The following EXOC4 variants were observed in gnomAD, a reference collection of about 807,000 sequenced individuals.
EXOC4 encodes SEC8-like 1.
A neutral mutation model predicts 107.2 loss-of-function variants in EXOC4; 71 were observed. The observed-to-expected ratio is 0.66, with a 90% CI of 0.55 to 0.81. The LOEUF (loss-of-function observed/expected upper bound fraction) is 0.81, where lower values mean the gene tolerates loss of function less well. EXOC4 is among the 30% of genes least tolerant of loss of function. The probability of loss-of-function intolerance (pLI) is 0.00; values close to 1 mark genes in which losing one functional copy is unlikely to be tolerated. For missense variants in EXOC4, 1,108 were observed against 1,189.6 expected, an observed-to-expected ratio of 0.93 and a Z score of 1.01; for synonymous variants, 456 against 441.2, an observed-to-expected ratio of 1.03 and a Z score of -0.42.
rs924479765 is a variant in EXOC4, at chr7:133,533,576, C to T, written c.1417+53438C>T. ...TTAAAAAAGGGACATTGGTATTGTA[C>T]GCTATTCTATACCTAGCTCTAGGGG... On this transcript the variant is annotated intron_variant, in intron 9 of 17. Coordinates refer to ENST00000253861, the MANE Select transcript of EXOC4 (RefSeq NM_021807.4). Among the ~76,000 whole-genome samples, 9 of 152,176 alleles carry T rather than the reference C, an allele frequency of 5.9e-5. No homozygotes were observed. In the East Asian group the frequency reaches 7.7e-4, roughly 13 times the overall value.
intron 11 of EXOC4, among the ~76,000 whole-genome samples, chr7:133,818,304 T>A (rs1391492545): frequency 6.6e-6 from 1 of 152,198 alleles, no homozygotes. Flanking sequence ...ATGGGCACAG[T>A]CTCACACTTT....
At chr7:133,810,593 TTG>T (rs1196561062) in intron 10 of EXOC4, among the ~76,000 whole-genome samples, 75 of 56,342 alleles carry the variant, frequency 1.3e-3, no homozygotes, top group Non-Finnish European at 2.6e-3. Context: ...GATCCATGCT[TTG>T]CTTTATTTTA....
chr7:133,274,813 AT>A (rs1793950759), intron 1 of EXOC4, among the ~76,000 whole-genome samples, 168 bp from the exon 2 acceptor site: 1 of 152,198 alleles, frequency 6.6e-6, no homozygotes, highest in South Asian at 2.1e-4. Flanking sequence ...GGCTATTGAA[AT>A]TTACTGTGAA....
intron 7 of EXOC4, among the ~76,000 whole-genome samples, chr7:133,399,815 GTGTCCCAAGCAGGGAAGATAGCTA>G (rs1797050135): frequency 6.6e-6 from 1 of 152,228 alleles, no homozygotes; most frequent in East Asian, 1.9e-4. Context: ...GTGGTGGCAT[GTGTCCCAAGCAGGGAAGATAGCTA>G]TGTCTTGCAT....
chr7:133,321,802 G>A (rs994379855), intron 5 of EXOC4, among the ~76,000 whole-genome samples: 9 of 152,320 alleles, frequency 5.9e-5, no homozygotes, highest in Non-Finnish European at 1.0e-4. Flanking sequence ...TTGCCACACT[G>A]TCTTCCACAA....
rs2048939353 is a variant in EXOC4 at position 133,445,471 on chromosome 7, GC to G, written c.1183-29856del. 2.0e-5 allele frequency among the ~76,000 whole-genome samples: 3 copies of G among 152,218 alleles called. No homozygotes were observed. The South Asian group carries it at 6.2e-4, about 32-fold the overall frequency. ...GTTAGGACCAATCTTAGAATCCAAG[GC>G]TTTGATTCATATGCCAGCGTCTTTC... On this transcript the variant is annotated intron_variant, in intron 7 of 17. Coordinates refer to ENST00000253861, the MANE Select transcript of EXOC4 (RefSeq NM_021807.4).
chr7:133,369,108 A>C (rs888940750), intron 6 of EXOC4, among the ~76,000 whole-genome samples: 1 of 152,118 alleles, frequency 6.6e-6, no homozygotes, highest in Non-Finnish European at 1.5e-5. Context: ...AAGGCAAACA[A>C]CTCTTTCTCA....
At chr7:133,358,018 A>G (rs1796059944) in intron 6 of EXOC4, among the ~76,000 whole-genome samples, 1 of 151,918 alleles carries the variant, frequency 6.6e-6, no homozygotes, top group Non-Finnish European at 1.5e-5. Flanking sequence ...TGAAACGCCA[A>G]CTCTACTAAA....
At chr7:133,868,040 A>G (rs940162438) in intron 11 of EXOC4, among the ~76,000 whole-genome samples, 2 of 152,224 alleles carry the variant, frequency 1.3e-5, no homozygotes, top group Non-Finnish European at 2.9e-5. Flanking sequence ...TAAATAAATT[A>G]TAATACTTTA....
At chr7:133,902,812 G>A (rs980443478) in intron 12 of EXOC4, among the ~76,000 whole-genome samples, 6 of 151,534 alleles carry the variant, frequency 4.0e-5, no homozygotes, top group East Asian at 3.9e-4. Context: ...CCGAGATTGC[G>A]CCACTGCACT....
In EXOC4 at chr7:134,014,791, G is replaced by A. The variant is rs1055680115; in HGVS notation, c.2687+6956G>A. 2.0e-5 allele frequency among the ~76,000 whole-genome samples: 3 copies of A among 151,662 alleles called. No homozygotes were observed. In the East Asian group the frequency reaches 5.8e-4, roughly 29 times the overall value. ...GTATATGAATTATATCTCGATGAAG[G>A]AGTTTAAAAAAAAAAGAGGTTGAGT... On this transcript the variant is annotated intron_variant, in intron 17 of 17. Coordinates refer to ENST00000253861, the MANE Select transcript of EXOC4 (RefSeq NM_021807.4).
intron 7 of EXOC4, among the ~76,000 whole-genome samples, chr7:133,391,520 A>G (rs1319814014): frequency 1.3e-5 from 2 of 152,196 alleles, no homozygotes; most frequent in Non-Finnish European, 2.9e-5. Flanking sequence ...AAGGATAGAC[A>G]AACGGGTAGG....
intron 10 of EXOC4, among the ~76,000 whole-genome samples, chr7:133,797,866 C>A (rs954317013): frequency 1.3e-5 from 2 of 152,166 alleles, no homozygotes; most frequent in East Asian, 1.9e-4. Context: ...CCGTCTAAGA[C>A]CCTGCCCTCG....
chr7:133,624,229 A>T (rs983116998), intron 9 of EXOC4, among the ~76,000 whole-genome samples: 11 of 152,116 alleles, frequency 7.2e-5, no homozygotes, highest in African/African-American at 2.4e-4. Context: ...ATTTTATGCT[A>T]TTTTCATTGG....
intron 11 of EXOC4, among the ~76,000 whole-genome samples, chr7:133,880,163 C>G (rs1798935083): frequency 6.6e-6 from 1 of 152,154 alleles, no homozygotes; most frequent in African/African-American, 2.4e-5. Flanking sequence ...GTTCCCTTAC[C>G]TTGTCTTTTA....
chr7:133,918,831 G>A (rs1799871901), intron 13 of EXOC4, among the ~76,000 whole-genome samples: 1 of 152,114 alleles, frequency 6.6e-6, no homozygotes, highest in Non-Finnish European at 1.5e-5. Flanking sequence ...CTAAGTGAAT[G>A]AATAAGTGGT....
chr7:133,313,301 G>A (rs1794918168), intron 4 of EXOC4, among the ~76,000 whole-genome samples: 1 of 151,898 alleles, frequency 6.6e-6, no homozygotes, highest in African/African-American at 2.4e-5. Flanking sequence ...TGTTCCAACA[G>A]ATCTTAGAAC....
intron 17 of EXOC4, among the ~76,000 whole-genome samples, chr7:134,027,078 G>A (rs763071772): frequency 5.9e-5 from 9 of 152,120 alleles, no homozygotes; most frequent in Non-Finnish European, 1.2e-4. Flanking sequence ...CTATCAAGGT[G>A]ATTGCTATCA....
At chr7:133,640,062 C>T (rs939377058) in intron 10 of EXOC4, among the ~76,000 whole-genome samples, 1 of 152,066 alleles carries the variant, frequency 6.6e-6, no homozygotes, top group Non-Finnish European at 1.5e-5. Flanking sequence ...AATCTGTACA[C>T]ATATTTTTAA....
Sources: gnomAD v4.1 joint callset for allele counts (sites outside exome capture counted in the v4.1 genomes callset) on GRCh38, gnomAD v4.1.1 for gene constraint, MANE v1.5 for transcripts, NCBI Gene and HGNC (gene_info 2026-07-23, HGNC 2026-07-21) for gene names.